Variants in PM20D2 observed in about 807,000 individuals in gnomAD.
PM20D2 encodes the protein peptidase M20 domain containing 2.
Under a neutral mutation model 42.9 loss-of-function variants are expected in PM20D2, and 33 were observed. The observed-to-expected ratio is 0.77, with a 90% CI of 0.58 to 1.03. The LOEUF (loss-of-function observed/expected upper bound fraction) is 1.03, where lower values mean the gene tolerates loss of function less well. PM20D2 is among the 50% of genes least tolerant of loss of function. The probability of loss-of-function intolerance (pLI) is 0.00; values close to 1 mark genes in which losing one functional copy is unlikely to be tolerated. For synonymous variants in PM20D2, 250 were observed against 228.2 expected, an observed-to-expected ratio of 1.10 and a Z score of -0.86; for missense variants, 548 against 557.0, an observed-to-expected ratio of 0.98 and a Z score of 0.16.
chr6:89,159,700 A>G (rs1039557496), intron 5 of PM20D2, among the ~76,000 whole-genome samples: 29 of 152,350 alleles, frequency 1.9e-4, no homozygotes, highest in African/African-American at 6.5e-4. Context: ...GAAGGAGGTC[A>G]GGGAGTTCAG....
Position 89,162,137 on chromosome 6 carries a change from G to A in PM20D2, c.1185G>A (p.Leu395=). The A allele has an allele frequency of 6.2e-7, 1 of 1,614,076 alleles. No individual in the cohort carries two copies. The highest frequency in any genetic ancestry group is 8.5e-7 in the Non-Finnish European group (1 of 1,179,986). ...CACAGGAAGCTCAGTTCTACACTCT[G>A]CGGACGGCCAAAGCTCTGGCAATGA... ...AGSQEAQFYT[L]RTAKALAMTA... The change falls in exon 7 of 7, where the codon CTG becomes CTA. Residue 395 remains leucine, a synonymous_variant. Transcript: ENST00000275072.
At chr6:89,162,010 TG>T in intron 6 of PM20D2, 98 bp from the exon 7 acceptor site, 1 of 1,488,256 alleles carries the variant, frequency 6.7e-7, no homozygotes, top group Non-Finnish European at 9.3e-7. Flanking sequence ...TGCACTGTGG[TG>T]GGCAGTTGGA....
chr6:89,099,987 G>A, the PM20D2 span, among the ~76,000 whole-genome samples: 2 of 152,160 alleles, frequency 1.3e-5, no homozygotes, highest in African/African-American at 2.4e-5. Flanking sequence ...TGGAGGAGTT[G>A]AGCCCAACCA....
the PM20D2 span, among the ~76,000 whole-genome samples, chr6:89,108,787 T>C: frequency 7.1e-3 from 1,083 of 152,314 alleles, 9 homozygotes; most frequent in African/African-American, 0.025. Flanking sequence ...TGTGATTATA[T>C]GCATATTAAT....
At chr6:89,156,096 G>A (rs1771041116) in intron 4 of PM20D2, among the ~76,000 whole-genome samples, 1 of 152,016 alleles carries the variant, frequency 6.6e-6, no homozygotes, top group African/African-American at 2.4e-5. Context: ...ATGTTGGCCA[G>A]GCTGGTCTCG....
the PM20D2 span, among the ~76,000 whole-genome samples, chr6:89,122,064 A>G: frequency 2.0e-5 from 3 of 152,236 alleles, no homozygotes; most frequent in African/African-American, 7.2e-5. Context: ...TTTAAAATAG[A>G]GCCACATGTG....
the PM20D2 span, among the ~76,000 whole-genome samples, chr6:89,103,199 CA>C: frequency 2.6e-5 from 4 of 152,124 alleles, no homozygotes; most frequent in African/African-American, 9.7e-5. Context: ...TGATTTGAGA[CA>C]GTCAAGTATT....
At chr6:89,126,668 TA>T in the PM20D2 span, among the ~76,000 whole-genome samples, 58 of 104,658 alleles carry the variant, frequency 5.5e-4, no homozygotes, top group Admixed American at 7.5e-4. Context: ...AGACTCCATC[TA>T]AAAAAAAAAA....
the PM20D2 span, among the ~76,000 whole-genome samples, chr6:89,134,835 G>A: frequency 1.6e-4 from 24 of 151,370 alleles, 3 homozygotes; most frequent in African/African-American, 5.7e-4. Context: ...GATAGGGCAG[G>A]GGTAATTAGG....
the PM20D2 span, among the ~76,000 whole-genome samples, chr6:89,126,728 A>G: frequency 1.8e-4 from 27 of 151,956 alleles, no homozygotes; most frequent in Admixed American, 4.6e-4. Flanking sequence ...CTTAGAAACA[A>G]TGACCAGCCC....
chr6:89,109,795 C>G, the PM20D2 span, among the ~76,000 whole-genome samples: 1 of 152,176 alleles, frequency 6.6e-6, no homozygotes, highest in East Asian at 1.9e-4. Context: ...TATCTACCAA[C>G]AAGATTTATT....
At chr6:89,153,532 C>A (rs2127777991) in intron 3 of PM20D2, among the ~76,000 whole-genome samples, 1 of 151,660 alleles carries the variant, frequency 6.6e-6, no homozygotes, top group Middle Eastern at 3.4e-3. Context: ...CAAATTTTGT[C>A]AATTAAAAAA....
At chr6:89,115,100 C>G in the PM20D2 span, among the ~76,000 whole-genome samples, 108 of 148,234 alleles carry the variant, frequency 7.3e-4, no homozygotes, top group Non-Finnish European at 6.5e-4. Context: ...CCGGCCACAG[C>G]TTTTATTTTT....
Position 89,146,484 on chromosome 6 carries a change from T to G in PM20D2, c.340T>G (p.Tyr114Asp), listed in dbSNP as rs1770560014. The G allele has an allele frequency of 1.3e-6, 2 of 1,523,792 alleles. No homozygotes were observed. Among genetic ancestry groups the G allele is most frequent in the African/African-American group, 2.8e-5 (2 of 70,760 alleles). 94.4% of individuals were successfully genotyped at this position (1,523,792 alleles called of 1,614,324 possible). ...GCTGCACCTGGGCTTCCTCTGCGAGTACGACGCGCTGCCCGGCATCGGCCA... is the reference window on the plus strand; with the variant it reads ...GCTGCACCTGGGCTTCCTCTGCGAGGACGACGCGCTGCCCGGCATCGGCCA... ...RPLHLGFLCE[Y>D]DALPGIGHAC... Residue 114 changes from tyrosine to aspartate, a missense_variant, in exon 1 of 7, where the codon TAC becomes GAC. Tyr to Asp is a radical substitution (Grantham distance 160). This residue lies in a region of PM20D2 where 470 missense variants were observed against 464.4 expected (regional missense o/e 1.01). Transcript: ENST00000275072.
chr6:89,123,755 G>C, the PM20D2 span, among the ~76,000 whole-genome samples: 1 of 150,806 alleles, frequency 6.6e-6, no homozygotes, highest in Non-Finnish European at 1.5e-5. Context: ...TAGACAGAAG[G>C]AGAGCCAGGC....
chr6:89,123,724 A>G, the PM20D2 span, among the ~76,000 whole-genome samples: 1 of 148,416 alleles, frequency 6.7e-6, no homozygotes, highest in Admixed American at 6.7e-5. Flanking sequence ...TGTCTCAAAA[A>G]AAAAAAAAAA....
intron 4 of PM20D2, among the ~76,000 whole-genome samples, chr6:89,157,958 G>A (rs984643083): frequency 1.6e-4 from 25 of 152,156 alleles, no homozygotes; most frequent in African/African-American, 5.3e-4. Flanking sequence ...GGTGAGCTGA[G>A]ATCACACCAC....
chr6:89,153,594 C>CT (rs372564862), intron 3 of PM20D2, among the ~76,000 whole-genome samples: 2 of 151,964 alleles, frequency 1.3e-5, no homozygotes, highest in African/African-American at 4.8e-5. Context: ...TGAGTAATAT[C>CT]TTTTTGTGTG....
chr6:89,151,323 G>T (rs1770832495), intron 2 of PM20D2, among the ~76,000 whole-genome samples: 2 of 150,238 alleles, frequency 1.3e-5, no homozygotes, highest in South Asian at 4.2e-4. Context: ...TTCCGCCTCT[G>T]GGTTCAAGGG....
Sources: gnomAD v4.1 joint callset for allele counts (sites outside exome capture counted in the v4.1 genomes callset) on GRCh38, gnomAD v4.1.1 for gene constraint, gnomAD v4.1.1 regional missense constraint, MANE v1.5 for transcripts, NCBI Gene and HGNC (gene_info 2026-07-23, HGNC 2026-07-21) for gene names.